The following SYT16 variants were observed in gnomAD, a reference collection of about 807,000 sequenced individuals.
SYT16 encodes synaptotagmin 16, also known as synaptotagmin-16.
Under a neutral mutation model 61.4 loss-of-function variants are expected in SYT16, and 42 were observed. The observed-to-expected ratio is 0.68, with a 90% CI of 0.53 to 0.89. The LOEUF (loss-of-function observed/expected upper bound fraction) is 0.89, where lower values mean the gene tolerates loss of function less well. Ranked by LOEUF, SYT16 falls within the 40% of genes least tolerant of loss-of-function variation. The pLI, the probability that SYT16 is intolerant of heterozygous loss-of-function variation, is 0.00. For synonymous variants in SYT16, 314 were observed against 302.3 expected (o/e 1.04, Z -0.40); for missense variants, 804 against 807.3 (o/e 1.00, Z 0.05).
intron 1 of SYT16, among the ~76,000 whole-genome samples, chr14:61,889,641 T>A (rs1191402205): frequency 6.6e-6 from 1 of 151,328 alleles, no homozygotes; most frequent in African/African-American, 2.4e-5. Flanking sequence ...CTCCCCTCCT[T>A]TCTGTCTCTC....
rs547545385 is a variant in SYT16 at position 62,106,054 on chromosome 14, C to T, written c.*5347C>T. The T allele has an allele frequency of 6.6e-6, 1 of 152,286 alleles. No homozygotes were observed. The highest frequency in any genetic ancestry group is 1.9e-4 in the East Asian group (1 of 5,184). 9.4% of individuals were successfully genotyped at this position (152,286 alleles called of 1,614,324 possible). On this transcript the variant is annotated 3_prime_UTR_variant, in exon 8 of 8. Transcript: ENST00000683842. ...TAACCAGGGGGATGGTGCACACTTT[C>T]TCTTCTTGACCACATGGATAGATTT...
intron 1 of SYT16, among the ~76,000 whole-genome samples, chr14:61,939,716 G>A (rs551932187): frequency 2.0e-4 from 31 of 152,234 alleles, no homozygotes; most frequent in Middle Eastern, 3.4e-3. Flanking sequence ...TAGGGGTTAG[G>A]ATTTCAATCT....
At chr14:62,079,291 G>T (rs190388179) in intron 5 of SYT16, 2 of 1,009,298 alleles carry the variant, frequency 2.0e-6, no homozygotes, top group Non-Finnish European at 2.6e-6. Flanking sequence ...CACAGGAAAG[G>T]ATATAAGAAG....
At chr14:62,045,266 C>T (rs2054922805) in intron 3 of SYT16, among the ~76,000 whole-genome samples, 1 of 152,048 alleles carries the variant, frequency 6.6e-6, no homozygotes, top group Non-Finnish European at 1.5e-5. Context: ...TTACATTATT[C>T]TCATATAATT....
At position 62,109,512 on chromosome 14, in the gene SYT16, G is replaced by A. The variant is rs1383692984; in HGVS notation, c.*8805G>A. The A allele has an allele frequency of 1.3e-5, 2 of 152,034 alleles. No homozygotes were observed. The highest frequency in any genetic ancestry group is 1.5e-5 in the Non-Finnish European group (1 of 68,002). 9.4% of individuals were successfully genotyped at this position (152,034 alleles called of 1,614,324 possible). A position where few individuals can be genotyped will look rare whatever the true frequency, so the allele number is the denominator to read the frequency against. On this transcript the variant is annotated 3_prime_UTR_variant, in exon 8 of 8. Coordinates refer to ENST00000683842, the MANE Select transcript of SYT16 (RefSeq NM_001367656.1). ...TTTTATATGATCCATCAAATAAAAT[G>A]TAGCAACTTCCAGTCTAGAATAAAT...
At chr14:62,013,587 G>C (rs914699794) in intron 3 of SYT16, among the ~76,000 whole-genome samples, 8 of 152,090 alleles carry the variant, frequency 5.3e-5, no homozygotes, top group African/African-American at 1.9e-4. Flanking sequence ...TTGGATTGCC[G>C]TGACCTCCTG....
chr14:61,841,707 C>T (rs2046306200), intron 1 of SYT16, among the ~76,000 whole-genome samples: 1 of 152,068 alleles, frequency 6.6e-6, no homozygotes, highest in Admixed American at 6.6e-5. Flanking sequence ...TGTTTTTCTC[C>T]ATCTTTATGT....
chr14:62,048,243 G>C (rs1352931189), intron 3 of SYT16, among the ~76,000 whole-genome samples: 3 of 152,210 alleles, frequency 2.0e-5, no homozygotes, highest in Admixed American at 2.0e-4. Context: ...ATTTCTTCTA[G>C]ATTTTCTAGT....
At chr14:62,020,604 C>T (rs972875831) in intron 3 of SYT16, among the ~76,000 whole-genome samples, 2 of 152,210 alleles carry the variant, frequency 1.3e-5, no homozygotes, top group Non-Finnish European at 2.9e-5. Flanking sequence ...TCCATGTTTT[C>T]ATTTCCCTCT....
chr14:61,892,947 G>A (rs1331026869), intron 1 of SYT16, among the ~76,000 whole-genome samples: 1 of 152,068 alleles, frequency 6.6e-6, no homozygotes, highest in African/African-American at 2.4e-5. Context: ...GTGCAGGTGG[G>A]GCCGCCTTCC....
chr14:62,095,467 G>A lies in SYT16; in HGVS notation c.1625-4927G>A, dbSNP rs574667357. On this transcript the variant is annotated intron_variant, in intron 7 of 7. Transcript: ENST00000683842. ...ATAATACATCAGCAACAATCAGAAAGTGGAGCTTTAAAATGTTACTATTTA... is the reference window on the plus strand; with the variant it reads ...ATAATACATCAGCAACAATCAGAAAATGGAGCTTTAAAATGTTACTATTTA... 4.6e-5 allele frequency among the ~76,000 whole-genome samples: 7 copies of A among 151,956 alleles called. 1 individual carries two copies. The highest frequency in any genetic ancestry group is 1.7e-4 in the African/African-American group (7 of 41,516).
chr14:62,088,091 G>T (rs1169316621), intron 7 of SYT16, among the ~76,000 whole-genome samples: 1 of 152,112 alleles, frequency 6.6e-6, no homozygotes, highest in Admixed American at 6.5e-5. Flanking sequence ...CATGCACTGA[G>T]AATCTAGCAG....
chr14:62,047,449 A>G (rs1401698176), intron 3 of SYT16, among the ~76,000 whole-genome samples: 1 of 152,154 alleles, frequency 6.6e-6, no homozygotes, highest in East Asian at 1.9e-4. Context: ...CTCTTTTCCT[A>G]ATTGAATGCC....
rs952968217 is a variant in SYT16, at chr14:62,034,418, A to G, written c.524-35185A>G. On this transcript the variant is annotated intron_variant, in intron 3 of 7. Coordinates refer to ENST00000683842, the MANE Select transcript of SYT16 (RefSeq NM_001367656.1). ...CCTGTACATGAATATTCATAGTACC[A>G]TCAGTCATAATAGCTGAAAAATGAA... 7.2e-5 allele frequency among the ~76,000 whole-genome samples: 11 copies of G among 152,236 alleles called. No individual in the cohort carries two copies. The East Asian group carries it at 1.2e-3, about 16-fold the overall frequency.
intron 1 of SYT16, among the ~76,000 whole-genome samples, chr14:61,864,655 C>T (rs986473196): frequency 3.3e-5 from 5 of 152,262 alleles, no homozygotes; most frequent in African/African-American, 1.2e-4. Flanking sequence ...GTGCGGTACT[C>T]TCAGGCCCTT....
At chr14:61,950,037 A>G (rs1438449532) in intron 1 of SYT16, among the ~76,000 whole-genome samples, 1 of 152,172 alleles carries the variant, frequency 6.6e-6, no homozygotes, top group Non-Finnish European at 1.5e-5. Flanking sequence ...CTTGACCTAA[A>G]TGTGTAAAAT....
At chr14:62,051,856 A>ACT (rs1247661112) in intron 3 of SYT16, among the ~76,000 whole-genome samples, 1 of 152,056 alleles carries the variant, frequency 6.6e-6, no homozygotes, top group East Asian at 1.9e-4. Context: ...ACCTGGTGAA[A>ACT]CTCTGTCTTT....
intron 3 of SYT16, among the ~76,000 whole-genome samples, chr14:62,062,175 AGGTTT>A (rs1216382176): frequency 6.6e-6 from 1 of 152,172 alleles, no homozygotes; most frequent in Non-Finnish European, 1.5e-5. Flanking sequence ...ATCTCATACA[AGGTTT>A]GGGTGACAAA....
chr14:61,878,795 G>T (rs1175306031), intron 1 of SYT16, among the ~76,000 whole-genome samples: 1 of 152,162 alleles, frequency 6.6e-6, no homozygotes, highest in African/African-American at 2.4e-5. Flanking sequence ...TTGCCAACCT[G>T]CTGTGGACTA....
Sources: allele counts gnomAD v4.1 joint callset (sites outside exome capture counted in the v4.1 genomes callset), GRCh38; gene constraint gnomAD v4.1.1; transcripts MANE v1.5; gene names NCBI Gene and HGNC (gene_info 2026-07-23, HGNC 2026-07-21).